The following DPYD variants were observed in gnomAD, a reference collection of about 807,000 sequenced individuals.
DPYD encodes dihydropyrimidine dehydrogenase [NADP(+)].
DPYD carries 109 observed loss-of-function variants against 116.2 expected under a neutral mutation model. The ratio of observed to expected loss-of-function variants is 0.94; its 90% CI spans 0.80 to 1.10. DPYD has a LOEUF of 1.10. Among genes scored for constraint, DPYD ranks in the 50% least tolerant of loss-of-function variants. The pLI is 0.00. For synonymous variants in DPYD, 440 were observed against 432.0 expected, an observed-to-expected ratio of 1.02 and a Z score of -0.23; for missense variants, 1,302 against 1,254.5, an observed-to-expected ratio of 1.04 and a Z score of -0.57.
At chr1:97,879,276 T>G (rs1399168322) in intron 2 of DPYD, among the ~76,000 whole-genome samples, 1 of 151,998 alleles carries the variant, frequency 6.6e-6, no homozygotes, top group East Asian at 1.9e-4. Context: ...TCATTGTATT[T>G]TTTTTTATGG....
chr1:97,760,593 A>T (rs747169516), intron 3 of DPYD, among the ~76,000 whole-genome samples: 7 of 152,114 alleles, frequency 4.6e-5, no homozygotes, highest in Non-Finnish European at 8.8e-5. Flanking sequence ...AAACCATTTT[A>T]TATCAGGGAC....
intron 11 of DPYD, among the ~76,000 whole-genome samples, chr1:97,556,870 C>A (rs1651763373): frequency 6.6e-6 from 1 of 150,484 alleles, no homozygotes; most frequent in African/African-American, 2.4e-5. Flanking sequence ...GGTATATACC[C>A]AGTAATGGGA....
At chr1:97,359,201 GA>G (rs1307672470) in intron 16 of DPYD, among the ~76,000 whole-genome samples, 16 of 152,124 alleles carry the variant, frequency 1.1e-4, no homozygotes, top group Non-Finnish European at 1.9e-4. Context: ...TCAAGTGGAA[GA>G]AAGGGTATCA....
chr1:97,859,972 A>C (rs1321197706), intron 2 of DPYD, among the ~76,000 whole-genome samples: 3 of 151,976 alleles, frequency 2.0e-5, no homozygotes, highest in Non-Finnish European at 4.4e-5. Flanking sequence ...ATTTGTAACC[A>C]TTTGATATTT....
At chr1:97,661,825 CTAATA>C (rs1659274334) in intron 8 of DPYD, among the ~76,000 whole-genome samples, 1 of 151,966 alleles carries the variant, frequency 6.6e-6, no homozygotes, top group Admixed American at 6.6e-5. Context: ...ACTCCCCAAT[CTAATA>C]TTTTTAAGTA....
At chr1:97,516,838 TTC>T (rs1225012958) in intron 12 of DPYD, among the ~76,000 whole-genome samples, 2 of 151,870 alleles carry the variant, frequency 1.3e-5, no homozygotes, top group Non-Finnish European at 2.9e-5. Flanking sequence ...CTCCCTCCCC[TTC>T]TCTCTCTCTA....
intron 16 of DPYD, among the ~76,000 whole-genome samples, chr1:97,315,244 C>T (rs116402071): frequency 4.5e-4 from 68 of 152,068 alleles, no homozygotes; most frequent in African/African-American, 1.6e-3. Flanking sequence ...CCTCTAACTG[C>T]TTCCTCCTTT....
chr1:97,087,801 T>G (rs1649620963), intron 21 of DPYD, among the ~76,000 whole-genome samples: 1 of 152,236 alleles, frequency 6.6e-6, no homozygotes, highest in Middle Eastern at 3.2e-3. Flanking sequence ...TCTACTCTTT[T>G]TAGTTCTGAT....
intron 20 of DPYD, among the ~76,000 whole-genome samples, chr1:97,111,459 T>C (rs933153290): frequency 3.3e-5 from 5 of 151,984 alleles, no homozygotes; most frequent in Admixed American, 3.3e-4. Context: ...TATAAGATCA[T>C]ATGACCTTAG....
intron 18 of DPYD, among the ~76,000 whole-genome samples, chr1:97,248,026 T>C (rs1483096203): frequency 1.3e-5 from 2 of 152,220 alleles, no homozygotes; most frequent in African/African-American, 4.8e-5. Context: ...CAGTATAATC[T>C]TGATATTGAA....
chr1:97,525,789 A>AGAGAGAGAGC (rs1431555133), intron 12 of DPYD, among the ~76,000 whole-genome samples: 14 of 142,610 alleles, frequency 9.8e-5, no homozygotes, highest in African/African-American at 3.5e-4. Context: ...AGAGAGAGAG[A>AGAGAGAGAGC]GTGTGTGTGT....
intron 3 of DPYD, among the ~76,000 whole-genome samples, chr1:97,752,903 T>C (rs138960315): frequency 1.7e-4 from 26 of 152,346 alleles, no homozygotes; most frequent in Non-Finnish European, 3.5e-4. Flanking sequence ...TACTTGGAAA[T>C]AGATTAATTT....
chr1:97,099,745 A>G (rs1049095089), intron 20 of DPYD, among the ~76,000 whole-genome samples: 1 of 152,062 alleles, frequency 6.6e-6, no homozygotes, highest in Non-Finnish European at 1.5e-5. Flanking sequence ...GAAAAATCAC[A>G]CTTGTTTCAA....
rs147346971 is a variant in DPYD, at chr1:97,287,809, C to T, written c.2299+17450G>A. 7.5e-3 allele frequency among the ~76,000 whole-genome samples: 1,148 copies of T among 152,112 alleles called. 14 individuals are homozygous for T. Among genetic ancestry groups the T allele is most frequent in the African/African-American group, 0.026 (1,068 of 41,482 alleles). The stretch of plus-strand genomic sequence containing the variant: ...CTCTCAGTATTAGGGTGGGAGTGAC[C>T]TGATTTTCCAGGTGCCATCTGTCAC... On this transcript the variant is annotated intron_variant, in intron 18 of 22. Coordinates refer to ENST00000370192, the MANE Select transcript of DPYD (RefSeq NM_000110.4).
chr1:97,636,188 T>C (rs1226818114), intron 8 of DPYD, among the ~76,000 whole-genome samples: 3 of 152,110 alleles, frequency 2.0e-5, no homozygotes, highest in Non-Finnish European at 2.9e-5. Context: ...ATTTTTGGCT[T>C]CATTCCCATC....
chr1:97,451,700 A>G (rs1676422542), intron 13 of DPYD, among the ~76,000 whole-genome samples: 1 of 152,118 alleles, frequency 6.6e-6, no homozygotes, highest in African/African-American at 2.4e-5. Flanking sequence ...TGTATGTTCT[A>G]CGTCCCTACA....
rs928681171 is a variant in DPYD, at chr1:97,740,441, C to A, written c.272G>T (p.Cys91Phe). ...TGATTTAATATCAAGATTAGTTGGACAGCTCTTCTGACACGGGGCATCTGC... is the reference window on the plus strand; with the variant it reads ...TGATTTAATATCAAGATTAGTTGGAAAGCTCTTCTGACACGGGGCATCTGC... ...KCADAPCQKS[C>F]PTNLDIKSFI... The change falls in exon 4 of 23, where the codon TGT becomes TTT. Residue 91 changes from cysteine to phenylalanine, a missense_variant. By Grantham distance (205) the Cys-to-Phe change is radical (BLOSUM62 -2). Transcript: ENST00000370192. 34 of 1,613,008 alleles carry A rather than the reference C, an allele frequency of 2.1e-5. No homozygotes were observed. Among genetic ancestry groups the A allele is most frequent in the Non-Finnish European group, 2.8e-5 (33 of 1,179,506 alleles).
At chr1:97,825,531 G>A (rs78104608) in intron 3 of DPYD, among the ~76,000 whole-genome samples, 2,048 of 150,736 alleles carry the variant, frequency 0.014, 30 homozygotes, top group Non-Finnish European at 0.022. Context: ...TAAGAAAAAG[G>A]GATGCTCCAT....
chr1:97,878,112 C>T (rs1478846778), intron 2 of DPYD, among the ~76,000 whole-genome samples: 1 of 151,928 alleles, frequency 6.6e-6, no homozygotes, highest in Non-Finnish European at 1.5e-5. Context: ...GTGCTTATAG[C>T]TAAATTCTCA....
Sources: gnomAD v4.1 joint callset for allele counts (sites outside exome capture counted in the v4.1 genomes callset) on GRCh38, gnomAD v4.1.1 for gene constraint, MANE v1.5 for transcripts, NCBI Gene and HGNC (gene_info 2026-07-23, HGNC 2026-07-21) for gene names.